The following ZNF536 variants were observed in gnomAD, a reference collection of about 807,000 sequenced individuals.
ZNF536 encodes the protein zinc finger protein 536.
ZNF536 carries 13 observed loss-of-function variants against 84.5 expected under a neutral mutation model. That is an observed-to-expected ratio of 0.15 (90% CI 0.10 to 0.24). ZNF536 has a LOEUF of 0.24. Ranked by LOEUF, ZNF536 falls within the 10% of genes least tolerant of loss-of-function variation. The pLI is 1.00. For synonymous variants in ZNF536, 811 were observed against 742.5 expected, an observed-to-expected ratio of 1.09 and a Z score of -1.50; for missense variants, 1,536 against 1,747.5, an observed-to-expected ratio of 0.88 and a Z score of 2.16.
chr19:30,238,156 G>A (rs972888814), intron 1 of ZNF536, among the ~76,000 whole-genome samples: 1 of 152,184 alleles, frequency 6.6e-6, no homozygotes, highest in Non-Finnish European at 1.5e-5. Flanking sequence ...TGTAATACAT[G>A]TTGTTGAATA....
intron 2 of ZNF536, among the ~76,000 whole-genome samples, chr19:30,496,159 C>G (rs749510244): frequency 6.6e-6 from 1 of 152,108 alleles, no homozygotes; most frequent in Non-Finnish European, 1.5e-5. Context: ...TTCCACTGCT[C>G]CTGGCTCTCT....
In ZNF536 at chr19:30,548,784, C is replaced by T. The variant is rs2045655925; in HGVS notation, c.3165C>T (p.Pro1055=). The change falls in exon 4 of 5, where the codon CCC becomes CCT. Residue 1055 remains proline (P), a synonymous_variant. Coordinates refer to ENST00000355537, the MANE Select transcript of ZNF536 (RefSeq NM_014717.3). The part of the protein sequence containing the change: ...AREASKMALL[P]SLQSNKDLGL... ...AGGCGAGTAAGATGGCCCTGCTGCC[C>T]TCGTTACAATCAAACAAAGACCTGG... The T allele has an allele frequency of 6.2e-7, 1 of 1,613,888 alleles. No individual in the cohort carries two copies. Among genetic ancestry groups the T allele is most frequent in the Non-Finnish European group, 8.5e-7 (1 of 1,180,012 alleles).
chr19:30,706,312 G>A (rs1600341923), intron 1 of ZNF536, among the ~76,000 whole-genome samples: 2 of 152,094 alleles, frequency 1.3e-5, no homozygotes, highest in South Asian at 2.1e-4. Flanking sequence ...GTGAAACCCC[G>A]TCTCTACTAA....
chr19:30,347,941 C>T (rs1254137862), intron 2 of ZNF536, among the ~76,000 whole-genome samples: 1 of 152,210 alleles, frequency 6.6e-6, no homozygotes, highest in East Asian at 1.9e-4. Context: ...GATGTCTTCT[C>T]CTATGTCTTA....
At position 30,550,971 on chromosome 19, in the gene ZNF536, A is replaced by C. The variant is rs896437957; in HGVS notation, c.3895+1457A>C. Among the ~76,000 whole-genome samples, 3 of 152,204 alleles carry C rather than the reference A, an allele frequency of 2.0e-5. No individual in the cohort carries two copies. The South Asian group carries it at 6.2e-4, about 32-fold the overall frequency. Reference sequence around the variant, plus strand: ...CATTACTTTTGAAGCTGTTAAAAACAATATTTAAAAGAAGGGAAAAAAGCG... The same window carrying C: ...CATTACTTTTGAAGCTGTTAAAAACCATATTTAAAAGAAGGGAAAAAAGCG... On this transcript the variant is annotated intron_variant, in intron 4 of 4. Transcript: ENST00000355537.
At chr19:30,574,471 T>G (rs1201639646) in intron 1 of ZNF536, among the ~76,000 whole-genome samples, 1 of 152,200 alleles carries the variant, frequency 6.6e-6, no homozygotes, top group African/African-American at 2.4e-5. Flanking sequence ...GGTGCTCAAC[T>G]GATGCTAACG....
chr19:30,341,704 C>T (rs576441938), intron 2 of ZNF536, among the ~76,000 whole-genome samples: 1 of 151,890 alleles, frequency 6.6e-6, no homozygotes, highest in South Asian at 2.1e-4. Context: ...GGATTTGGAA[C>T]TCTTTTTTTT....
rs1421758255 is a variant in ZNF536, at chr19:30,548,905, T to C, written c.3286T>C (p.Trp1096Arg). 2.5e-6 allele frequency: 4 copies of C among 1,614,024 alleles called. No homozygotes were observed. The highest frequency in any genetic ancestry group is 4.5e-5 in the East Asian group (2 of 44,872). ...ETLGEQKSGA[W>R]TGHVDPAFCN... ...TCTGGGAGAGCAGAAGAGCGGTGCA[T>C]GGACCGGCCACGTGGACCCTGCATT... The change falls in exon 4 of 5, where the codon TGG becomes CGG. Residue 1096 changes from tryptophan to arginine, a missense_variant. Trp to Arg is a moderately radical substitution (Grantham distance 101). Transcript: ENST00000355537.
chr19:30,493,721 C>T (rs1275888889), intron 2 of ZNF536, among the ~76,000 whole-genome samples: 3 of 152,102 alleles, frequency 2.0e-5, no homozygotes, highest in Non-Finnish European at 4.4e-5. Context: ...GGAAAAAAAT[C>T]GTATCATGAT....
rs2048914618 is a variant in ZNF536, at chr19:30,632,317, G to A, written c.170-78440G>A. On this transcript the variant is annotated intron_variant, in intron 1 of 1. Coordinates refer to the ZNF536 transcript ENST00000592773. ...CCAAGAAATGTGTCTGTAAAAACCAGAAGTCCAGCCAGGTGAGGTGGCTCA... is the reference window on the plus strand; with the variant it reads ...CCAAGAAATGTGTCTGTAAAAACCAAAAGTCCAGCCAGGTGAGGTGGCTCA... Among the ~76,000 whole-genome samples the A allele has an allele frequency of 2.6e-5, 4 of 152,290 alleles. No homozygotes were observed. The South Asian group carries it at 8.3e-4, about 32-fold the overall frequency.
chr19:30,545,716 A>C (rs1479181076), intron 3 of ZNF536, among the ~76,000 whole-genome samples: 1 of 152,040 alleles, frequency 6.6e-6, no homozygotes, highest in African/African-American at 2.4e-5. Flanking sequence ...CCTTTCAAAC[A>C]TGTATCCATT....
At chr19:30,474,366 TAGCATGGCTACC>T (rs1382313796) in intron 2 of ZNF536, among the ~76,000 whole-genome samples, 2 of 152,092 alleles carry the variant, frequency 1.3e-5, no homozygotes, top group African/African-American at 4.8e-5. Flanking sequence ...AGGGGGTTTA[TAGCATGGCTACC>T]CTGTGAGCAC....
At chr19:30,623,134 T>A (rs917791380) in intron 1 of ZNF536, among the ~76,000 whole-genome samples, 3 of 151,424 alleles carry the variant, frequency 2.0e-5, no homozygotes, top group African/African-American at 7.3e-5. Context: ...TCTTTTTGTC[T>A]CCTACCCCAT....
intron 1 of ZNF536, among the ~76,000 whole-genome samples, chr19:30,670,835 C>A (rs972855478): frequency 4.6e-5 from 7 of 152,230 alleles, no homozygotes. Flanking sequence ...GTATCCCTGC[C>A]AGGCTGTAAC....
At chr19:30,302,871 AG>A (rs1400782625) in intron 2 of ZNF536, among the ~76,000 whole-genome samples, 11 of 152,032 alleles carry the variant, frequency 7.2e-5, no homozygotes, top group Non-Finnish European at 1.5e-5. Flanking sequence ...CTGGCAAGGG[AG>A]GGGAAGACGA....
At chr19:30,230,029 G>C (rs2022916211) in intron 1 of ZNF536, among the ~76,000 whole-genome samples, 1 of 152,196 alleles carries the variant, frequency 6.6e-6, no homozygotes. Context: ...ACCAGGCAGA[G>C]ATATTTGCAT....
chr19:30,701,492 C>T (rs1568686556), intron 1 of ZNF536, among the ~76,000 whole-genome samples: 2 of 151,810 alleles, frequency 1.3e-5, no homozygotes, highest in Admixed American at 6.6e-5. Flanking sequence ...CACAAACACA[C>T]ACACAGACAC....
intron 1 of ZNF536, among the ~76,000 whole-genome samples, chr19:30,613,034 T>C (rs921463639): frequency 2.6e-5 from 4 of 152,190 alleles, no homozygotes; most frequent in African/African-American, 7.2e-5. Flanking sequence ...TCAGTTTGGA[T>C]ATTTGCCTGC....
chr19:30,685,522 G>C (rs545881495), intron 1 of ZNF536, among the ~76,000 whole-genome samples: 9 of 152,270 alleles, frequency 5.9e-5, no homozygotes, highest in Admixed American at 5.9e-4. Context: ...CAGGGAGGTA[G>C]AGACGGAAGG....
Sources: allele counts gnomAD v4.1 joint callset (sites outside exome capture counted in the v4.1 genomes callset), GRCh38; gene constraint gnomAD v4.1.1; transcripts MANE v1.5; gene names NCBI Gene and HGNC (gene_info 2026-07-23, HGNC 2026-07-21).